The following WDFY3 variants were observed in gnomAD, a reference collection of about 807,000 sequenced individuals.
The protein encoded by WDFY3 is WD repeat and FYVE domain containing 3, also known as WD repeat and FYVE domain-containing protein 3.
In WDFY3, 66 loss-of-function variants were observed where a neutral mutation model predicts 409.6. The ratio of observed to expected loss-of-function variants is 0.16; its 90% CI spans 0.13 to 0.20. The LOEUF is 0.20. WDFY3 is among the 10% of genes least tolerant of loss of function. The pLI is 1.00. For synonymous variants in WDFY3, 1,521 were observed against 1,537.1 expected (o/e 0.99, Z 0.25); for missense variants, 3,031 against 4,298.1 (o/e 0.71, Z 8.24).
intron 30 of WDFY3, among the ~76,000 whole-genome samples, chr4:84,768,710 G>A (rs1744118941): frequency 6.6e-6 from 1 of 152,208 alleles, no homozygotes; most frequent in South Asian, 2.1e-4. Flanking sequence ...AATTAATGTT[G>A]TTTTCATGCT....
intron 3 of WDFY3, among the ~76,000 whole-genome samples, chr4:84,894,483 A>C (rs2150545869): frequency 6.6e-6 from 1 of 152,116 alleles, no homozygotes; most frequent in East Asian, 1.9e-4. Context: ...ACACGGTGAA[A>C]CCCCATCTCT....
At chr4:84,715,275 A>G (rs1385006347) in intron 50 of WDFY3, 23 bp downstream of exon 50, 5 of 1,448,850 alleles carry the variant, frequency 3.5e-6, no homozygotes, top group Non-Finnish European at 4.8e-6. Flanking sequence ...AATAGTATAC[A>G]AAGTGTTCCG....
chr4:84,717,084 G>T (rs1734064891), intron 48 of WDFY3, 68 bp from the exon 49 acceptor site: 7 of 1,436,848 alleles, frequency 4.9e-6, no homozygotes, highest in Non-Finnish European at 5.5e-6. Context: ...TCCATAAAGG[G>T]CGTGCTAATT....
At chr4:84,940,107 G>A (rs979669083) in intron 1 of WDFY3, among the ~76,000 whole-genome samples, 1 of 151,736 alleles carries the variant, frequency 6.6e-6, no homozygotes, top group East Asian at 1.9e-4. Context: ...CCTTCTTCAG[G>A]GAGAACCCTC....
At chr4:84,851,408 T>G (rs1758990271) in intron 4 of WDFY3, among the ~76,000 whole-genome samples, 1 of 152,150 alleles carries the variant, frequency 6.6e-6, no homozygotes. Flanking sequence ...ACTCTGCCTT[T>G]TATAGTAATG....
intron 67 of WDFY3, among the ~76,000 whole-genome samples, chr4:84,674,777 A>G (rs1725976264): frequency 6.6e-6 from 1 of 151,446 alleles, no homozygotes; most frequent in Non-Finnish European, 1.5e-5. Flanking sequence ...CTGAGGTAGA[A>G]GAATCGCTTG....
At position 84,860,586 on chromosome 4, in the gene WDFY3, G is replaced by A; in HGVS notation, c.6C>T (p.Asn2=). 18 of 1,601,216 alleles carry A rather than the reference G, an allele frequency of 1.1e-5. No homozygotes were observed. Among genetic ancestry groups the A allele is most frequent in the Non-Finnish European group, 1.5e-5 (18 of 1,171,208 alleles). M[N]MVKRIMGRPR... ...GCCGCCCCATGATCCTCTTCACCATGTTCATCTTGGCTGGTTGGTGAGACG... is the reference window on the plus strand; with the variant it reads ...GCCGCCCCATGATCCTCTTCACCATATTCATCTTGGCTGGTTGGTGAGACG... Residue 2 remains asparagine, a synonymous_variant, in exon 4 of 68, where the codon AAC becomes AAT. Transcript: ENST00000295888.
Position 84,787,630 on chromosome 4 carries a change from A to G in WDFY3, c.3753T>C (p.Thr1251=), listed in dbSNP as rs770827056. The change falls in exon 23 of 68, where the codon ACT becomes ACC. Residue 1251 remains threonine (T), a synonymous_variant. Transcript: ENST00000295888. The stretch of plus-strand genomic sequence containing the variant: ...AGGCAATTTGGCGTTGGGCAGGTGG[A>G]GTACCAATGTAGGCATAGACCGTGC... The part of the protein sequence containing the change: ...VVSTVYAYIG[T]PPAQRQIASL... 6.2e-7 allele frequency: 1 copy of G among 1,614,186 alleles called. No homozygotes were observed. Among genetic ancestry groups the G allele is most frequent in the Non-Finnish European group, 8.5e-7 (1 of 1,180,038 alleles).
chr4:84,782,379 TTTTA>T (rs1746681170), intron 25 of WDFY3, among the ~76,000 whole-genome samples: 1 of 152,050 alleles, frequency 6.6e-6, no homozygotes. Flanking sequence ...AATTTTTTTT[TTTTA>T]TTTTACTTTA....
Position 84,801,727 on chromosome 4 carries a change from C to T in WDFY3, c.2745G>A (p.Glu915=). ...LQRCSAALAD[E]DHSLHPPLQR... is the part of the protein sequence containing the mutation. The stretch of plus-strand genomic sequence containing the variant: ...GCAGGGGCGGGTGCAGTGAGTGGTC[C>T]TCATCAGCCAATGCAGCACTGCACC... The change falls in exon 17 of 68, where the codon GAG becomes GAA. Residue 915 remains glutamate (E), a synonymous_variant. Transcript: ENST00000295888. 6.2e-7 allele frequency: 1 copy of T among 1,613,398 alleles called. No homozygotes were observed. The highest frequency in any genetic ancestry group is 8.5e-7 in the Non-Finnish European group (1 of 1,179,944).
intron 16 of WDFY3, 66 bp from the exon 17 acceptor site, chr4:84,801,930 AC>A: frequency 6.7e-7 from 1 of 1,503,132 alleles, no homozygotes. Flanking sequence ...AATTCTTTTC[AC>A]ATGAAGCATA....
At chr4:84,828,659 T>G (rs540551133) in intron 9 of WDFY3, among the ~76,000 whole-genome samples, 1 of 152,148 alleles carries the variant, frequency 6.6e-6, no homozygotes, top group African/African-American at 2.4e-5. Flanking sequence ...TCTCAGAACT[T>G]TGGGAGGCCA....
At chr4:84,912,757 A>C (rs1767962461) in intron 2 of WDFY3, among the ~76,000 whole-genome samples, 1 of 152,170 alleles carries the variant, frequency 6.6e-6, no homozygotes, top group South Asian at 2.1e-4. Context: ...AAAAAAGAAA[A>C]AACAAAGCTT....
rs759492682 is a variant in WDFY3 at position 84,789,710 on chromosome 4, GTGCACATA to G, written c.3669+8_3669+15del. The G allele has an allele frequency of 3.1e-6, 5 of 1,611,094 alleles. No homozygotes were observed. The highest frequency in any genetic ancestry group is 1.3e-5 in the African/African-American group (1 of 74,300). ...CCTTATAAAACAGGTAGATTTACAA[GTGCACATA>G]CACTTACCTTTACAGTGTTAACAAG... On this transcript the variant is annotated splice_region_variant and intron_variant, in intron 22 of 67. Transcript: ENST00000295888.
intron 1 of WDFY3, among the ~76,000 whole-genome samples, chr4:84,955,213 A>C (rs1182104774): frequency 6.6e-6 from 1 of 151,944 alleles, no homozygotes; most frequent in African/African-American, 2.4e-5. Flanking sequence ...AAAAAAAAAA[A>C]AACAAAAAGG....
chr4:84,950,457 A>G (rs1396991736), intron 1 of WDFY3, among the ~76,000 whole-genome samples: 1 of 152,130 alleles, frequency 6.6e-6, no homozygotes, highest in Non-Finnish European at 1.5e-5. Context: ...AGGCTAAACT[A>G]GTATATGAAC....
At chr4:84,927,327 A>G (rs532052448) in intron 2 of WDFY3, among the ~76,000 whole-genome samples, 204 of 152,190 alleles carry the variant, frequency 1.3e-3, no homozygotes, top group Non-Finnish European at 2.3e-3. Flanking sequence ...ACACACACAC[A>G]CACAGACACA....
intron 16 of WDFY3, among the ~76,000 whole-genome samples, chr4:84,802,430 T>G: frequency 6.6e-6 from 1 of 151,810 alleles, no homozygotes; most frequent in East Asian, 1.9e-4. Flanking sequence ...AGGCTAATTT[T>G]TTGCATTTTT....
intron 46 of WDFY3, among the ~76,000 whole-genome samples, chr4:84,722,048 G>C (rs1446414549): frequency 6.6e-6 from 1 of 152,164 alleles, no homozygotes; most frequent in Non-Finnish European, 1.5e-5. Flanking sequence ...GGGACACCAT[G>C]AATAAATAAT....
Sources: allele counts gnomAD v4.1 joint callset (sites outside exome capture counted in the v4.1 genomes callset), GRCh38; gene constraint gnomAD v4.1.1; transcripts MANE v1.5; gene names NCBI Gene and HGNC (gene_info 2026-07-23, HGNC 2026-07-21).